CARS2: variants seen among roughly 807,000 people sequenced by gnomAD.
CARS2 encodes cysteinyl-tRNA synthetase 2, mitochondrial, also known as probable cysteine--tRNA ligase, mitochondrial.
Under a neutral mutation model 68.8 loss-of-function variants are expected in CARS2, and 52 were observed. That is an observed-to-expected ratio of 0.76 (90% CI 0.61 to 0.95). CARS2 has a LOEUF of 0.95. CARS2 is among the 40% of genes least tolerant of loss of function. CARS2 has a pLI of 0.00. For synonymous variants in CARS2, 314 were observed against 303.6 expected (o/e 1.03, Z -0.36); for missense variants, 780 against 754.2 (o/e 1.03, Z -0.40).
chr13:110,672,602 A>G (rs530533792), intron 7 of CARS2, among the ~76,000 whole-genome samples: 2 of 152,368 alleles, frequency 1.3e-5, no homozygotes, highest in South Asian at 2.1e-4. Context: ...AAATGCCCAC[A>G]AGAGAAAGCA....
In CARS2 at chr13:110,667,461, T is replaced by G; in HGVS notation, c.798A>C (p.Gly266=). ...ECSAIASMVF[G]SQLDIHSGGI... ...CACCTGAATGGATATCCAGTTGACT[T>G]CCAAATACCATACTGCAAGACACAG... The change falls in exon 8 of 15, where the codon GGA becomes GGC. Residue 266 remains glycine, a synonymous_variant. Transcript: ENST00000257347. 4.3e-6 allele frequency: 7 copies of G among 1,613,866 alleles called. No homozygotes were observed. The highest frequency in any genetic ancestry group is 5.9e-6 in the Non-Finnish European group (7 of 1,179,884).
intron 1 of CARS2, chr13:110,712,776 A>G (rs1381504303): frequency 7.0e-6 from 5 of 713,930 alleles, no homozygotes; most frequent in Non-Finnish European, 1.3e-5. Flanking sequence ...GGGAAGAGAT[A>G]AGGCCTAGGG....
chr13:110,712,532 G>GGGT (rs2064041511), intron 1 of CARS2: 21 of 315,278 alleles, frequency 6.7e-5, no homozygotes, highest in South Asian at 5.0e-4. Context: ...TGGCCGGAAG[G>GGGT]GGGGGGGCCG....
intron 13 of CARS2, 89 bp from the exon 14 acceptor site, chr13:110,642,610 A>G: frequency 7.8e-7 from 1 of 1,276,086 alleles, no homozygotes; most frequent in Non-Finnish European, 1.1e-6. Flanking sequence ...CTGGGCCGAC[A>G]CCCACCCAGC....
At chr13:110,651,526 G>A (rs140484291) in intron 9 of CARS2, among the ~76,000 whole-genome samples, 89 of 152,326 alleles carry the variant, frequency 5.8e-4, no homozygotes, top group African/African-American at 2.0e-3. Flanking sequence ...AGAAGCTTGC[G>A]GTGAACGTCA....
rs762302691 is a variant in CARS2 at position 110,644,481 on chromosome 13, T to C, written c.1320A>G (p.Glu440=). ...GNGQLRASLK[E]PEGPRSPAVF... ...CAGCAGGACTTCTCGGCCCTTCAGG[T>C]TCCTGTAAGAGATCATGTCGCAGAA... Residue 440 remains glutamate, a splice_region_variant and synonymous_variant, in exon 13 of 15, where the codon GAA becomes GAG. Coordinates refer to ENST00000257347, the MANE Select transcript of CARS2 (RefSeq NM_024537.4). 6.2e-7 allele frequency: 1 copy of C among 1,613,984 alleles called. No individual in the cohort carries two copies. The highest frequency in any genetic ancestry group is 1.7e-5 in the Admixed American group (1 of 60,012).
At chr13:110,687,910 C>A (rs781623304) in intron 4 of CARS2, 37 bp downstream of exon 4, 1 of 1,584,548 alleles carries the variant, frequency 6.3e-7, no homozygotes, top group Non-Finnish European at 8.7e-7. Flanking sequence ...TCACGCCTGT[C>A]ACCCTCATGG....
In CARS2 at chr13:110,681,008, C is replaced by G. The variant is rs979111739; in HGVS notation, c.655+2043G>C. ...CTTCGCTCCCTTGCCATTGTTGTCTCCTTCCACTAGGGGGTGACCGCAGGG... is the reference window on the plus strand; with the variant it reads ...CTTCGCTCCCTTGCCATTGTTGTCTGCTTCCACTAGGGGGTGACCGCAGGG... On this transcript the variant is annotated intron_variant, in intron 6 of 14. Transcript: ENST00000257347. Among the ~76,000 whole-genome samples, 7 of 152,210 alleles carry G rather than the reference C, an allele frequency of 4.6e-5. No individual in the cohort carries two copies. In the East Asian group the frequency reaches 1.3e-3, roughly 29 times the overall value.
intron 3 of CARS2, among the ~76,000 whole-genome samples, chr13:110,696,589 T>C (rs1039584304): frequency 6.6e-6 from 1 of 152,238 alleles, no homozygotes; most frequent in East Asian, 1.9e-4. Flanking sequence ...TTTTATTACA[T>C]TGAAGTCAGA....
At chr13:110,712,013 GA>G (rs1207134166) in intron 1 of CARS2, among the ~76,000 whole-genome samples, 2 of 152,214 alleles carry the variant, frequency 1.3e-5, no homozygotes, top group African/African-American at 4.8e-5. Context: ...CTTACCACCA[GA>G]ATGTGTATCC....
intron 5 of CARS2, among the ~76,000 whole-genome samples, chr13:110,684,043 T>C (rs540774815): frequency 6.6e-6 from 1 of 152,232 alleles, no homozygotes; most frequent in East Asian, 1.9e-4. Flanking sequence ...GGGAGCTTTG[T>C]CAAGAAGAAA....
chr13:110,651,531 A>T (rs1594241175), intron 9 of CARS2, among the ~76,000 whole-genome samples: 1 of 152,298 alleles, frequency 6.6e-6, no homozygotes, highest in East Asian at 1.9e-4. Flanking sequence ...CTTGCGGTGA[A>T]CGTCAGACCC....
rs1310872044 is a variant in CARS2, at chr13:110,705,657, T to C, written c.225-86A>G. 2.7e-6 allele frequency: 4 copies of C among 1,486,694 alleles called. No homozygotes were observed. The highest frequency in any genetic ancestry group is 3.7e-6 in the Non-Finnish European group (4 of 1,073,012). The allele number at this position is 1,486,694 out of a possible 1,614,324, so 92.1% of individuals were successfully genotyped here. On this transcript the variant is annotated intron_variant, in intron 1 of 14. Coordinates refer to ENST00000257347, the MANE Select transcript of CARS2 (RefSeq NM_024537.4). The surrounding 1 kb of genome is among the most constrained non-coding windows in gnomAD (Gnocchi z 4.0). ...TGAGTTATAATGATCATATAATTTT[T>C]AAAGTAATCACTTCTGGGGGATGAA...
chr13:110,684,426 T>TCC (rs2063238664), intron 5 of CARS2, among the ~76,000 whole-genome samples: 1 of 151,752 alleles, frequency 6.6e-6, no homozygotes, highest in South Asian at 2.1e-4. Flanking sequence ...AGCCTGGATG[T>TCC]CCCCCTCCTG....
rs199844548 is a variant in CARS2, at chr13:110,651,144, G to A, written c.988-44C>T. On this transcript the variant is annotated intron_variant, in intron 9 of 14. Transcript: ENST00000257347. ...GGCAGTCACGAGGCTTTGCTTTTAC[G>A]CTTCGCACTGTTCAGAGAATATGTT... The A allele has an allele frequency of 6.4e-5, 85 of 1,327,054 alleles. 1 individual carries two copies. In the East Asian group the frequency reaches 1.8e-3, roughly 28 times the overall value. 82.2% of individuals were successfully genotyped at this position (1,327,054 alleles called of 1,614,324 possible). A position where few individuals can be genotyped will look rare whatever the true frequency, so the allele number is the denominator to read the frequency against.
chr13:110,713,048 C>T, intron 1 of CARS2: 2 of 1,467,378 alleles, frequency 1.4e-6, no homozygotes, highest in Non-Finnish European at 1.8e-6. Flanking sequence ...CATGCGCCGC[C>T]ACTTCCGCCC....
chr13:110,644,105 T>TA, intron 13 of CARS2: 1 of 1,346,136 alleles, frequency 7.4e-7, no homozygotes, highest in Non-Finnish European at 9.8e-7. Context: ...TCTTTGAACA[T>TA]AAACGTGTGT....
At chr13:110,701,703 CCT>C (rs2063793329) in intron 2 of CARS2, 148 bp from the exon 3 acceptor site, 1 of 569,066 alleles carries the variant, frequency 1.8e-6, no homozygotes, top group African/African-American at 1.9e-5. Context: ...AAGGAAACTC[CCT>C]CTCACTGATG....
At chr13:110,690,968 T>G (rs1215712646) in intron 3 of CARS2, among the ~76,000 whole-genome samples, 1 of 152,244 alleles carries the variant, frequency 6.6e-6, no homozygotes, top group Non-Finnish European at 1.5e-5. Flanking sequence ...ACACCTGTGT[T>G]TCTATTGAGT....
Sources: allele counts gnomAD v4.1 joint callset (sites outside exome capture counted in the v4.1 genomes callset), GRCh38; gene constraint gnomAD v4.1.1; non-coding constraint Gnocchi (gnomAD v3.1); transcripts MANE v1.5; gene names NCBI Gene and HGNC (gene_info 2026-07-23, HGNC 2026-07-21).